NPAS4: variants seen among roughly 807,000 people sequenced by gnomAD.
The protein encoded by NPAS4 is neuronal PAS domain protein 4, also known as neuronal PAS domain-containing protein 4.
NPAS4 carries 10 observed loss-of-function variants against 64.0 expected under a neutral mutation model. That is an observed-to-expected ratio of 0.16 (90% CI 0.10 to 0.26). NPAS4 has a LOEUF of 0.26. Among genes scored for constraint, NPAS4 ranks in the 10% least tolerant of loss-of-function variants. NPAS4 has a pLI of 1.00. For missense variants in NPAS4, 886 were observed against 992.6 expected (o/e 0.89, Z 1.44); for synonymous variants, 441 against 411.7 (o/e 1.07, Z -0.86).
the NPAS4 span, among the ~76,000 whole-genome samples, chr11:66,412,428 C>T: frequency 6.6e-6 from 1 of 152,230 alleles, no homozygotes; most frequent in East Asian, 1.9e-4. Context: ...GCTCTCAGAC[C>T]TGGCCTGGAT....
chr11:66,423,632 C>A lies in NPAS4; in HGVS notation c.863C>A (p.Thr288Asn). Residue 288 changes from threonine to asparagine, a missense_variant, in exon 6 of 8, where the codon ACT (threonine) becomes AAT (asparagine). Thr to Asn is a moderately conservative substitution (Grantham distance 65, BLOSUM62 0). This residue lies in a region of NPAS4 where 820 missense variants were observed against 855.5 expected (regional missense o/e 0.96). Coordinates refer to ENST00000311034, the MANE Select transcript of NPAS4 (RefSeq NM_178864.4). ...AEMVVRLQAKTGGWAWIYCLL... is the reference protein window; with the variant it reads ...AEMVVRLQAKNGGWAWIYCLL... ...ATGGTGGTGAGGCTACAGGCCAAGA[C>A]TGGAGGCTGGGCATGGATTTACTGC... The A allele has an allele frequency of 6.2e-7, 1 of 1,614,124 alleles. No individual in the cohort carries two copies. Among genetic ancestry groups the A allele is most frequent in the Non-Finnish European group, 8.5e-7 (1 of 1,180,004 alleles).
chr11:66,424,393 G>A lies in NPAS4; in HGVS notation c.1503G>A (p.Leu501=), dbSNP rs761978481. The change falls in exon 7 of 8, where the codon TTG becomes TTA. Residue 501 remains leucine (L), a synonymous_variant. Coordinates refer to ENST00000311034, the MANE Select transcript of NPAS4 (RefSeq NM_178864.4). The stretch of plus-strand genomic sequence containing the variant: ...CGGTCAGAAGCTATGAAGACCAGTT[G>A]ACTCCCTGCACCTCCACCTTCCCAG... The part of the protein sequence containing the change: ...ETSVRSYEDQ[L]TPCTSTFPDQ... 4.4e-5 allele frequency: 71 copies of A among 1,613,942 alleles called. No homozygotes were observed. In the East Asian group the frequency reaches 1.6e-3, roughly 35 times the overall value.
At chr11:66,415,440 C>A in the NPAS4 span, among the ~76,000 whole-genome samples, 1 of 152,178 alleles carries the variant, frequency 6.6e-6, no homozygotes, top group Non-Finnish European at 1.5e-5. Context: ...ATCCTCTGGT[C>A]TAAGGATGGC....
chr11:66,411,357 C>T, the NPAS4 span, among the ~76,000 whole-genome samples: 1 of 152,108 alleles, frequency 6.6e-6, no homozygotes, highest in Non-Finnish European at 1.5e-5. Context: ...AAACTGAGGC[C>T]CAGGGAGGGA....
upstream of NPAS4, among the ~76,000 whole-genome samples, chr11:66,416,023 G>A (rs1001403291): frequency 1.3e-5 from 2 of 152,136 alleles, no homozygotes; most frequent in Non-Finnish European, 2.9e-5. Context: ...GATCATTTCA[G>A]CCCAGGAGTT....
chr11:66,411,558 CAG>C, the NPAS4 span, among the ~76,000 whole-genome samples: 1 of 152,232 alleles, frequency 6.6e-6, no homozygotes, highest in Non-Finnish European at 1.5e-5. Context: ...CACAGCCTGT[CAG>C]GGATGGCAAT....
the NPAS4 span, among the ~76,000 whole-genome samples, chr11:66,411,550 C>T: frequency 2.0e-5 from 3 of 152,242 alleles, no homozygotes; most frequent in African/African-American, 7.2e-5. Context: ...TCCCAACTCA[C>T]AGCCTGTCAG....
At chr11:66,423,034 A>G in intron 4 of NPAS4, 89 bp from the exon 5 acceptor site, 1 of 1,510,634 alleles carries the variant, frequency 6.6e-7, no homozygotes. Context: ...GATGGGGTTT[A>G]GGGGGGCAGA....
upstream of NPAS4, among the ~76,000 whole-genome samples, chr11:66,418,771 G>T (rs1401285983): frequency 2.0e-5 from 3 of 152,108 alleles, no homozygotes; most frequent in Non-Finnish European, 2.9e-5. Flanking sequence ...GAGAATAAGG[G>T]GACAGTCAAA....
intron 1 of NPAS4, 113 bp from the exon 2 acceptor site, chr11:66,422,007 G>A (rs1045007544): frequency 1.1e-6 from 1 of 936,984 alleles, no homozygotes; most frequent in Non-Finnish European, 1.6e-6. Context: ...TGTTTGCAGA[G>A]GCAGGTCCAT....
chr11:66,411,187 C>T, the NPAS4 span, among the ~76,000 whole-genome samples: 1 of 152,230 alleles, frequency 6.6e-6, no homozygotes, highest in Admixed American at 6.5e-5. Flanking sequence ...TGGGCTCATC[C>T]CTACCTGAAA....
chr11:66,422,305 G>T lies in NPAS4; in HGVS notation c.327+34G>T, dbSNP rs1431464142. 12 of 1,610,012 alleles carry T rather than the reference G, an allele frequency of 7.5e-6. No individual in the cohort carries two copies. In the Admixed American group the frequency reaches 1.3e-4, roughly 18 times the overall value. On this transcript the variant is annotated intron_variant, in intron 2 of 7. Coordinates refer to ENST00000311034, the MANE Select transcript of NPAS4 (RefSeq NM_178864.4). ...TAAGGGTCCTTTCAGCTGAGGCTGG[G>T]CATGGAGTGGGTGCCGTGAGCCTTC...
rs1856798246 is a variant in NPAS4, at chr11:66,423,989, C to G, written c.1099C>G (p.Leu367Val). ...CACTAACCCACTCTTCACCGCAGCACTGGGGGCTCCCAGAAGCACCAGCTT... is the reference window on the plus strand; with the variant it reads ...CACTAACCCACTCTTCACCGCAGCAGTGGGGGCTCCCAGAAGCACCAGCTT... ...SSTNPLFTAA[L>V]GAPRSTSFPS... is the part of the protein sequence containing the mutation. The change falls in exon 7 of 8, where the codon CTG becomes GTG. Residue 367 changes from leucine (L) to valine (V), a missense_variant. Leu to Val is a conservative substitution (Grantham distance 32). Coordinates refer to ENST00000311034, the MANE Select transcript of NPAS4 (RefSeq NM_178864.4). The G allele has an allele frequency of 6.2e-7, 1 of 1,614,048 alleles. No individual in the cohort carries two copies. Among genetic ancestry groups the G allele is most frequent in the African/African-American group, 1.3e-5 (1 of 74,912 alleles).
chr11:66,423,394 A>T (rs1294907674), intron 5 of NPAS4, 162 bp downstream of exon 5: 8 of 826,220 alleles, frequency 9.7e-6, no homozygotes, highest in Non-Finnish European at 1.4e-5. Flanking sequence ...TCAAGGCAAT[A>T]ATCAAATCAG....
chr11:66,415,281 T>C, the NPAS4 span, among the ~76,000 whole-genome samples: 3 of 152,044 alleles, frequency 2.0e-5, no homozygotes, highest in Non-Finnish European at 4.4e-5. Flanking sequence ...GCTTCCCACC[T>C]CTCCTCCTTT....
rs201452314 is a variant in NPAS4 at position 66,424,239 on chromosome 11, C to T, written c.1349C>T (p.Thr450Ile). The change falls in exon 7 of 8, where the codon ACC (threonine) becomes ATC (isoleucine). Residue 450 changes from threonine (T) to isoleucine (I), a missense_variant. Physicochemically the swap from Thr to Ile is moderately conservative, Grantham distance 89 (BLOSUM62 -1). Coordinates refer to ENST00000311034, the MANE Select transcript of NPAS4 (RefSeq NM_178864.4). ...LHEPFQTHLP[T>I]PSSTLQEQLT... ...GAGCCCTTCCAGACCCATTTGCCCA[C>T]CCCATCCAGCACTCTTCAAGAACAG... is the stretch of plus-strand genomic sequence containing the variant. The T allele has an allele frequency of 5.6e-6, 9 of 1,614,140 alleles. No homozygotes were observed. The Admixed American group carries it at 1.0e-4, about 18-fold the overall frequency.
In NPAS4 at chr11:66,424,440, C is replaced by T; in HGVS notation, c.1550C>T (p.Ala517Val). 1 of 1,614,166 alleles carries T rather than the reference C, an allele frequency of 6.2e-7. No homozygotes were observed. The highest frequency in any genetic ancestry group is 1.3e-5 in the African/African-American group (1 of 75,062). The change falls in exon 7 of 8, where the codon GCC becomes GTC. Residue 517 changes from alanine to valine, a missense_variant. Coordinates refer to ENST00000311034, the MANE Select transcript of NPAS4 (RefSeq NM_178864.4). ...CCAGACCAGCTGCTTCCCAGCACAGCCACCTTCCCAGAGCCTCTGGGCAGC... is the reference window on the plus strand; with the variant it reads ...CCAGACCAGCTGCTTCCCAGCACAGTCACCTTCCCAGAGCCTCTGGGCAGC... The part of the protein sequence containing the change: ...TFPDQLLPST[A>V]TFPEPLGSPA...
upstream of NPAS4, among the ~76,000 whole-genome samples, chr11:66,419,527 A>T (rs1856706367): frequency 2.6e-5 from 4 of 152,024 alleles, no homozygotes; most frequent in South Asian, 8.3e-4. Flanking sequence ...ATTTCCAGCC[A>T]CTTAAGTGAT....
rs1188388388 is a variant in NPAS4 at position 66,422,134 on chromosome 11, G to A, written c.190G>A (p.Gly64Ser). The change falls in exon 2 of 8, where the codon GGC becomes AGC. Residue 64 changes from glycine (G) to serine (S), a missense_variant. Gly to Ser is a moderately conservative substitution (Grantham distance 56, BLOSUM62 0). Around this residue, in one of 3 missense-constraint regions of NPAS4, gnomAD observed 820 missense variants for 855.5 expected, o/e 0.96. Coordinates refer to ENST00000311034, the MANE Select transcript of NPAS4 (RefSeq NM_178864.4). ...VFFAGGTPLA[G>S]PTGLLSAQEL... ...TCGCCCTACAGGCACTCCTCTGGCG[G>A]GCCCCACGGGGCTTCTCTCAGCTCA... 4.3e-6 allele frequency: 7 copies of A among 1,613,950 alleles called. No individual in the cohort carries two copies. The highest frequency in any genetic ancestry group is 5.9e-6 in the Non-Finnish European group (7 of 1,180,008).
Sources: allele counts gnomAD v4.1 joint callset (sites outside exome capture counted in the v4.1 genomes callset), GRCh38; gene constraint gnomAD v4.1.1; regional missense constraint gnomAD v4.1.1; transcripts MANE v1.5; gene names NCBI Gene and HGNC (gene_info 2026-07-23, HGNC 2026-07-21).